The following DCC variants were observed in gnomAD, a reference collection of about 807,000 sequenced individuals.
DCC encodes the protein netrin receptor DCC.
DCC carries 58 observed loss-of-function variants against 172.5 expected under a neutral mutation model. That is an observed-to-expected ratio of 0.34 (90% confidence interval 0.27 to 0.42). The LOEUF (loss-of-function observed/expected upper bound fraction) is 0.42. Ranked by LOEUF, DCC falls within the 10% of genes least tolerant of loss-of-function variation. The probability of loss-of-function intolerance (pLI) is 1.00; values close to 1 mark genes in which losing one functional copy is unlikely to be tolerated. For missense variants in DCC, 1,740 were observed against 1,791.0 expected, an observed-to-expected ratio of 0.97 and a Z score of 0.51; for synonymous variants, 709 against 644.5, an observed-to-expected ratio of 1.10 and a Z score of -1.52.
At chr18:53,394,857 T>G (rs1430199059) in intron 17 of DCC, among the ~76,000 whole-genome samples, 1 of 152,094 alleles carries the variant, frequency 6.6e-6, no homozygotes, top group Non-Finnish European at 1.5e-5. Context: ...AAACTAAGGC[T>G]CAGGCTGGGC....
At chr18:52,934,047 G>A (rs1334520591) in intron 5 of DCC, among the ~76,000 whole-genome samples, 2 of 151,998 alleles carry the variant, frequency 1.3e-5, no homozygotes, top group African/African-American at 2.4e-5. Context: ...GATTAAGCTA[G>A]CTAAACAAAC....
At chr18:52,673,595 C>T (rs184660408) in intron 1 of DCC, among the ~76,000 whole-genome samples, 1 of 152,158 alleles carries the variant, frequency 6.6e-6, no homozygotes, top group Admixed American at 6.5e-5. Context: ...TAAATTTTTT[C>T]CCTCCTTTTT....
chr18:52,823,329 T>G (rs114968208), intron 2 of DCC, among the ~76,000 whole-genome samples: 1 of 152,172 alleles, frequency 6.6e-6, no homozygotes, highest in Admixed American at 6.5e-5. Context: ...TCTACTGAAT[T>G]CTGGGTGGAT....
intron 16 of DCC, among the ~76,000 whole-genome samples, chr18:53,390,015 C>A (rs3794915): frequency 0.42 from 64,148 of 151,724 alleles, 15,301 homozygotes; most frequent in Non-Finnish European, 0.55. Context: ...CCAGCTAAAA[C>A]TAGAAACAAG....
At chr18:52,486,801 G>A (rs1400919979) in intron 1 of DCC, among the ~76,000 whole-genome samples, 1 of 152,140 alleles carries the variant, frequency 6.6e-6, no homozygotes, top group African/African-American at 2.4e-5. Flanking sequence ...AATGACAGAT[G>A]TGTGTAATTC....
At chr18:53,385,756 A>G (rs1241783891) in intron 15 of DCC, among the ~76,000 whole-genome samples, 1 of 152,180 alleles carries the variant, frequency 6.6e-6, no homozygotes, top group East Asian at 1.9e-4. Flanking sequence ...CCACTTGTAT[A>G]TTAGGGTTCG....
chr18:53,425,382 CAG>C (rs1293944188), intron 21 of DCC, among the ~76,000 whole-genome samples: 596 of 54,248 alleles, frequency 0.011, 8 homozygotes, highest in Admixed American at 0.035. Flanking sequence ...TTTTTTGAGA[CAG>C]AGTCTCACTC....
intron 5 of DCC, among the ~76,000 whole-genome samples, chr18:52,968,713 G>C (rs757535064): frequency 6.6e-6 from 1 of 152,090 alleles, no homozygotes; most frequent in Non-Finnish European, 1.5e-5. Context: ...AATCTTTTTA[G>C]TTCTCATGTA....
intron 13 of DCC, among the ~76,000 whole-genome samples, chr18:53,312,167 A>AAAAAAAAAAAG (rs2057277890): frequency 2.8e-5 from 1 of 35,544 alleles, no homozygotes; most frequent in Non-Finnish European, 4.9e-5. Context: ...AAAAAAAAAA[A>AAAAAAAAAAAG]AAAAAAAAAA....
At chr18:52,936,386 G>C (rs2040382205) in intron 5 of DCC, among the ~76,000 whole-genome samples, 1 of 122,274 alleles carries the variant, frequency 8.2e-6, no homozygotes, top group Non-Finnish European at 1.9e-5. Flanking sequence ...AGTTGGATTG[G>C]TGGTAGGATA....
At chr18:52,863,046 T>C (rs1366617784) in intron 2 of DCC, among the ~76,000 whole-genome samples, 6 of 152,126 alleles carry the variant, frequency 3.9e-5, no homozygotes, top group African/African-American at 2.4e-5. Flanking sequence ...AAACATTTTA[T>C]AACCTCTTAC....
chr18:53,375,806 G>A (rs2058104347), intron 15 of DCC, among the ~76,000 whole-genome samples: 1 of 151,922 alleles, frequency 6.6e-6, no homozygotes, highest in Non-Finnish European at 1.5e-5. Context: ...TGACTCTGAG[G>A]GCTCTCTGCC....
At chr18:53,350,472 G>A (rs1359104656) in intron 15 of DCC, among the ~76,000 whole-genome samples, 1 of 152,034 alleles carries the variant, frequency 6.6e-6, no homozygotes, top group Non-Finnish European at 1.5e-5. Context: ...CATTGTCTTA[G>A]TAGACTAGCA....
chr18:52,506,363 C>T (rs1479978699), intron 1 of DCC, among the ~76,000 whole-genome samples: 1 of 151,912 alleles, frequency 6.6e-6, no homozygotes, highest in East Asian at 1.9e-4. Flanking sequence ...TTAAGGTTGA[C>T]CTGTGAAAAC....
intron 1 of DCC, 36 bp downstream of exon 1, chr18:52,340,914 C>G (rs771879315): frequency 6.9e-7 from 1 of 1,445,504 alleles, no homozygotes; most frequent in Non-Finnish European, 9.7e-7. Flanking sequence ...GTCGCACCCC[C>G]TTCCGTACCC....
intron 5 of DCC, among the ~76,000 whole-genome samples, chr18:52,930,773 A>G (rs373785996): frequency 1.8e-4 from 27 of 152,258 alleles, no homozygotes; most frequent in African/African-American, 6.5e-4. Context: ...CTCTTTATGT[A>G]AGAATAATAT....
intron 11 of DCC, among the ~76,000 whole-genome samples, chr18:53,208,153 C>T (rs1012594408): frequency 7.4e-5 from 11 of 148,996 alleles, no homozygotes; most frequent in South Asian, 2.1e-4. Context: ...CATGCACCTG[C>T]GATCCCAGCT....
intron 2 of DCC, among the ~76,000 whole-genome samples, chr18:52,900,950 A>G (rs1453318634): frequency 6.6e-6 from 1 of 152,238 alleles, no homozygotes; most frequent in African/African-American, 2.4e-5. Flanking sequence ...ATTTGTCTAT[A>G]GGAATTCAAT....
At chr18:53,310,583 C>T (rs7505772) in intron 13 of DCC, among the ~76,000 whole-genome samples, 77,104 of 151,692 alleles carry the variant, frequency 0.51, 20,232 homozygotes, top group East Asian at 0.71. Flanking sequence ...TGAGAACCCA[C>T]GTCAACTAAA....
Sources: allele counts gnomAD v4.1 joint callset (sites outside exome capture counted in the v4.1 genomes callset), GRCh38; gene constraint gnomAD v4.1.1; transcripts MANE v1.5; gene names NCBI Gene and HGNC (gene_info 2026-07-23, HGNC 2026-07-21).